The following AIG1 variants were observed in gnomAD, a reference collection of about 807,000 sequenced individuals.
AIG1 encodes the protein androgen-induced gene 1 protein.
AIG1 carries 23 observed loss-of-function variants against 31.4 expected under a neutral mutation model. The ratio of observed to expected loss-of-function variants is 0.73; its 90% CI spans 0.53 to 1.04. The LOEUF (loss-of-function observed/expected upper bound fraction) is 1.04, where lower values mean the gene tolerates loss of function less well. Among genes scored for constraint, AIG1 ranks in the 50% least tolerant of loss-of-function variants. The pLI is 0.00. For synonymous variants in AIG1, 100 were observed against 110.5 expected, an observed-to-expected ratio of 0.90 and a Z score of 0.60; for missense variants, 274 against 295.0, an observed-to-expected ratio of 0.93 and a Z score of 0.52.
intron 2 of AIG1, among the ~76,000 whole-genome samples, chr6:143,151,692 A>T (rs113598962): frequency 1.3e-5 from 2 of 152,354 alleles, no homozygotes; most frequent in African/African-American, 4.8e-5. Context: ...AAATGATTAT[A>T]GACTAAAGAT....
chr6:143,169,531 A>G (rs1445667165), intron 3 of AIG1, among the ~76,000 whole-genome samples: 1 of 152,168 alleles, frequency 6.6e-6, no homozygotes, highest in African/African-American at 2.4e-5. Flanking sequence ...TTGCTATAGA[A>G]CACTGGAATT....
rs1777340375 is a variant in AIG1, at chr6:143,334,645, G to A, written c.679+1200G>A. On this transcript the variant is annotated intron_variant, in intron 5 of 5. Coordinates refer to ENST00000357847, the MANE Select transcript of AIG1 (RefSeq NM_016108.4). The surrounding 1 kb of genome is among the most constrained non-coding windows in gnomAD (Gnocchi z 5.1). Reference sequence around the variant, plus strand: ...ATGTTCCACCTGTTCAATGGAAATAGTGATCTTTCTCCATTAATTTACAGA... The same window carrying A: ...ATGTTCCACCTGTTCAATGGAAATAATGATCTTTCTCCATTAATTTACAGA... Among the ~76,000 whole-genome samples the A allele has an allele frequency of 6.6e-6, 1 of 152,206 alleles. No individual in the cohort carries two copies. Among genetic ancestry groups the A allele is most frequent in the Admixed American group, 6.5e-5 (1 of 15,290 alleles).
intron 3 of AIG1, among the ~76,000 whole-genome samples, chr6:143,216,132 G>A (rs1414385985): frequency 2.0e-5 from 3 of 151,706 alleles, no homozygotes; most frequent in Non-Finnish European, 4.4e-5. Flanking sequence ...CTTTTGATTT[G>A]AAGGAGAGAA....
At chr6:143,194,638 C>A (rs927723864) in intron 3 of AIG1, among the ~76,000 whole-genome samples, 3 of 152,218 alleles carry the variant, frequency 2.0e-5, no homozygotes, top group Non-Finnish European at 4.4e-5. Context: ...ACCTAAAGGT[C>A]TTCTCTATGG....
chr6:143,248,542 T>C (rs955211539), intron 3 of AIG1, among the ~76,000 whole-genome samples: 4 of 152,124 alleles, frequency 2.6e-5, no homozygotes, highest in Non-Finnish European at 5.9e-5. Flanking sequence ...GAGAACAGCT[T>C]TTCTGGGTAA....
chr6:143,092,131 A>C (rs556526006), intron 1 of AIG1, among the ~76,000 whole-genome samples: 1 of 152,054 alleles, frequency 6.6e-6, no homozygotes, highest in East Asian at 1.9e-4. Flanking sequence ...TTGAGATAGG[A>C]TATATCTCTC....
At chr6:143,131,903 C>A (rs1270463369) in intron 1 of AIG1, among the ~76,000 whole-genome samples, 2 of 152,172 alleles carry the variant, frequency 1.3e-5, no homozygotes, top group African/African-American at 4.8e-5. Flanking sequence ...CAGCAATGGA[C>A]AACTAATACA....
chr6:143,179,746 T>A (rs1184250449), intron 3 of AIG1, among the ~76,000 whole-genome samples: 1 of 152,244 alleles, frequency 6.6e-6, no homozygotes, highest in African/African-American at 2.4e-5. Context: ...AATCTTTTTG[T>A]ATAAATACTA....
At chr6:143,213,505 C>A (rs1273261891) in intron 3 of AIG1, among the ~76,000 whole-genome samples, 2 of 67,840 alleles carry the variant, frequency 2.9e-5, no homozygotes, top group African/African-American at 4.8e-5. Context: ...CTTTTTCTTT[C>A]TTCTTTTTTT....
intron 4 of AIG1, among the ~76,000 whole-genome samples, chr6:143,302,795 G>A (rs556749853): frequency 3.3e-5 from 5 of 152,236 alleles, no homozygotes; most frequent in South Asian, 4.1e-4. Flanking sequence ...CTGAGGAATC[G>A]CCACACTGAC....
chr6:143,078,615 G>A (rs1036606808), intron 1 of AIG1, among the ~76,000 whole-genome samples: 3 of 152,146 alleles, frequency 2.0e-5, no homozygotes, highest in Admixed American at 1.3e-4. Flanking sequence ...ATGGTGGCAG[G>A]AAAGACAGAA....
At chr6:143,155,876 T>G (rs1341465734) in intron 2 of AIG1, among the ~76,000 whole-genome samples, 1 of 152,134 alleles carries the variant, frequency 6.6e-6, no homozygotes, top group African/African-American at 2.4e-5. Flanking sequence ...GAGGAGCCAT[T>G]GGGACTTCTG....
chr6:143,255,202 T>C (rs934684719), intron 3 of AIG1, among the ~76,000 whole-genome samples: 1 of 152,182 alleles, frequency 6.6e-6, no homozygotes, highest in African/African-American at 2.4e-5. Context: ...CAACAATAAT[T>C]GAGCCACCCT....
chr6:143,083,927 C>G (rs1460964174), intron 1 of AIG1, among the ~76,000 whole-genome samples: 1 of 152,162 alleles, frequency 6.6e-6, no homozygotes, highest in Non-Finnish European at 1.5e-5. Flanking sequence ...AATGTCCTCT[C>G]TAACAAAGGA....
intron 3 of AIG1, among the ~76,000 whole-genome samples, chr6:143,179,149 G>C (rs1158636352): frequency 6.6e-6 from 1 of 152,118 alleles, no homozygotes; most frequent in Non-Finnish European, 1.5e-5. Flanking sequence ...TCAGGAGAGG[G>C]CTAATGGGAA....
intron 1 of AIG1, among the ~76,000 whole-genome samples, chr6:143,123,610 C>T (rs1782418473): frequency 6.6e-6 from 1 of 152,074 alleles, no homozygotes; most frequent in South Asian, 2.1e-4. Flanking sequence ...CATGTTGATA[C>T]ATGTTACTTT....
At chr6:143,343,128 G>A, downstream of AIG1, 3 of 760,738 alleles carry the variant, frequency 3.9e-6, no homozygotes, top group South Asian at 4.1e-5. Context: ...CAGAAGGGAG[G>A]CTTGCCATTA....
chr6:143,097,220 T>G (rs142286324), intron 1 of AIG1, among the ~76,000 whole-genome samples: 1 of 152,092 alleles, frequency 6.6e-6, no homozygotes, highest in Non-Finnish European at 1.5e-5. Context: ...TTTGATGAAG[T>G]GGGGCTTGCT....
At chr6:143,250,303 G>A (rs575594696) in intron 3 of AIG1, among the ~76,000 whole-genome samples, 66 of 152,280 alleles carry the variant, frequency 4.3e-4, no homozygotes, top group African/African-American at 1.3e-3. Context: ...TGATTTTTAC[G>A]TTTTAAATGT....
Sources: allele counts gnomAD v4.1 joint callset (sites outside exome capture counted in the v4.1 genomes callset), GRCh38; gene constraint gnomAD v4.1.1; non-coding constraint Gnocchi (gnomAD v3.1); transcripts MANE v1.5; gene names NCBI Gene and HGNC (gene_info 2026-07-23, HGNC 2026-07-21).